The following SCN8A variants were observed in gnomAD, a reference collection of about 807,000 sequenced individuals.
SCN8A encodes sodium voltage-gated channel alpha subunit 8.
Under a neutral mutation model 184.1 loss-of-function variants are expected in SCN8A, and 30 were observed. That is an observed-to-expected ratio of 0.16 (90% CI 0.12 to 0.22). The LOEUF is 0.22. Ranked by LOEUF, SCN8A falls within the 10% of genes least tolerant of loss-of-function variation. The pLI, the probability that SCN8A is intolerant of heterozygous loss-of-function variation, is 1.00. For synonymous variants in SCN8A, 852 were observed against 907.0 expected, an observed-to-expected ratio of 0.94 and a Z score of 1.09; for missense variants, 1,057 against 2,498.9, an observed-to-expected ratio of 0.42 and a Z score of 12.30.
intron 12 of SCN8A, among the ~76,000 whole-genome samples, chr12:51,739,857 G>T (rs1469506612): frequency 1.3e-5 from 2 of 152,194 alleles, no homozygotes; most frequent in Non-Finnish European, 2.9e-5. Flanking sequence ...TGGGAAATCA[G>T]GGGTCTCACA....
rs779102206 is a variant in SCN8A, at chr12:51,686,470, T to G, written c.485+13T>G. ...CGAAGAATGTGGAGTAAGTAACTCA[T>G]TTATGTGTGTGCTTGTTTGTTTTAA... On this transcript the variant is annotated intron_variant, in intron 4 of 26. Transcript: ENST00000627620. 11 of 1,505,370 alleles carry G rather than the reference T, an allele frequency of 7.3e-6. No homozygotes were observed. The South Asian group carries it at 1.0e-4, about 14-fold the overall frequency. The allele number at this position is 1,505,370 out of a possible 1,614,324, so 93.3% of individuals were successfully genotyped here.
chr12:51,645,240 C>G (rs1940550992), intron 1 of SCN8A, among the ~76,000 whole-genome samples: 1 of 149,150 alleles, frequency 6.7e-6, no homozygotes, highest in African/African-American at 2.5e-5. Context: ...GCCGCCCCAT[C>G]CGGGAAGTGA....
chr12:51,674,756 C>T (rs1190305252), intron 2 of SCN8A, among the ~76,000 whole-genome samples: 2 of 152,190 alleles, frequency 1.3e-5, no homozygotes, highest in African/African-American at 2.4e-5. Context: ...TGTTCTGTAC[C>T]AGCCACTGTG....
rs138590118 is a variant in SCN8A at position 51,620,880 on chromosome 12, G to A, written c.-55+29521G>A. Among the ~76,000 whole-genome samples the A allele has an allele frequency of 9.9e-5, 15 of 151,940 alleles. No individual in the cohort carries two copies. In the East Asian group the frequency reaches 2.7e-3, roughly 27 times the overall value. ...CACACGCCTGTGGTCCCAGCTACTC[G>A]GGAGGCTGAGGCGGGAGGATGGATT... On this transcript the variant is annotated intron_variant, in intron 1 of 26. Transcript: ENST00000627620.
intron 12 of SCN8A, among the ~76,000 whole-genome samples, chr12:51,726,734 C>G (rs1339204830): frequency 6.6e-6 from 1 of 152,112 alleles, no homozygotes; most frequent in Non-Finnish European, 1.5e-5. Context: ...TCTTGCTGTT[C>G]AGAAAGCCAA....
At chr12:51,805,301 G>A (rs1253629561) in intron 26 of SCN8A, among the ~76,000 whole-genome samples, 1 of 152,062 alleles carries the variant, frequency 6.6e-6, no homozygotes, top group Non-Finnish European at 1.5e-5. Flanking sequence ...AATACAGCCT[G>A]GATGTGGCAG....
intron 1 of SCN8A, among the ~76,000 whole-genome samples, chr12:51,604,356 T>C (rs539998967): frequency 3.5e-4 from 54 of 152,326 alleles, no homozygotes; most frequent in African/African-American, 1.3e-3. Flanking sequence ...TGGACTTTTG[T>C]CAAAAGTCAA....
chr12:51,787,102 G>A (rs1204847371), intron 22 of SCN8A, among the ~76,000 whole-genome samples: 1 of 152,178 alleles, frequency 6.6e-6, no homozygotes, highest in Admixed American at 6.5e-5. Context: ...GTAATAAAGT[G>A]GCAGAGAGAT....
Position 51,806,482 on chromosome 12 carries a change from T to G in SCN8A, c.4996T>G (p.Ser1666Ala). Residue 1666 changes from serine (S) to alanine (A), a missense_variant, in exon 27 of 27, where the codon TCC becomes GCC. Physicochemically the swap from Ser to Ala is moderately conservative, Grantham distance 99. Transcript: ENST00000627620. The surrounding 1 kb of genome is among the most constrained non-coding windows in gnomAD (Gnocchi z 8.7). The stretch of plus-strand genomic sequence containing the variant: ...GCTCTTCCTGGTCATGTTCATCTTC[T>G]CCATTTTTGGGATGTCCAATTTTGC... The part of the protein sequence containing the change: ...LLLFLVMFIF[S>A]IFGMSNFAYV... 1 of 1,614,240 alleles carries G rather than the reference T, an allele frequency of 6.2e-7. No individual in the cohort carries two copies. Among genetic ancestry groups the G allele is most frequent in the Non-Finnish European group, 8.5e-7 (1 of 1,180,046 alleles).
At chr12:51,608,207 A>G (rs1939640814) in intron 1 of SCN8A, among the ~76,000 whole-genome samples, 1 of 151,748 alleles carries the variant, frequency 6.6e-6, no homozygotes, top group African/African-American at 2.4e-5. Context: ...TATTTTTAGT[A>G]GAGACGGGGT....
intron 1 of SCN8A, among the ~76,000 whole-genome samples, chr12:51,618,892 T>A (rs1939902406): frequency 6.6e-6 from 1 of 152,166 alleles, no homozygotes; most frequent in Admixed American, 6.5e-5. Context: ...TTTTTAATTT[T>A]TAAATTTAAG....
chr12:51,618,100 A>G (rs988191740), intron 1 of SCN8A, among the ~76,000 whole-genome samples: 5 of 151,960 alleles, frequency 3.3e-5, no homozygotes, highest in East Asian at 1.9e-4. Context: ...TAGTTTCTCT[A>G]TTCTGCCTTT....
chr12:51,792,903 C>T lies in SCN8A; in HGVS notation c.4525-1468C>T, dbSNP rs547749128. ...GACCACAGGCGCCTGCCACCATGCC[C>T]GGCTAATTTTTGTATTTTTAGTAGA... On this transcript the variant is annotated intron_variant, in intron 25 of 26. Coordinates refer to ENST00000627620, the MANE Select transcript of SCN8A (RefSeq NM_001330260.2). Among the ~76,000 whole-genome samples the T allele has an allele frequency of 6.6e-5, 10 of 152,020 alleles. No individual in the cohort carries two copies. In the East Asian group the frequency reaches 1.2e-3, roughly 18 times the overall value.
intron 11 of SCN8A, among the ~76,000 whole-genome samples, chr12:51,715,671 A>G (rs954021940): frequency 6.6e-6 from 1 of 150,754 alleles, no homozygotes; most frequent in African/African-American, 2.4e-5. Context: ...AAAAAAAAAA[A>G]AAAAAAAAAA....
At chr12:51,788,451 C>T (rs534531357) in intron 22 of SCN8A, 12 of 295,162 alleles carry the variant, frequency 4.1e-5, no homozygotes, top group Admixed American at 3.5e-4. Flanking sequence ...TGAGTCCTTT[C>T]GTAAAGCCTT....
At chr12:51,771,753 A>G (rs1185129815) in intron 19 of SCN8A, among the ~76,000 whole-genome samples, 1 of 152,248 alleles carries the variant, frequency 6.6e-6, no homozygotes, top group Admixed American at 6.5e-5. Flanking sequence ...ATCAACGAGC[A>G]TTCACACAAC....
chr12:51,782,602 T>A (rs1937956005), intron 21 of SCN8A, among the ~76,000 whole-genome samples: 1 of 152,062 alleles, frequency 6.6e-6, no homozygotes, highest in African/African-American at 2.4e-5. Flanking sequence ...AATCCCCCCA[T>A]CCCCCTACAA....
At position 51,769,261 on chromosome 12, in the gene SCN8A, G is replaced by A. The variant is rs754870866; in HGVS notation, c.3298G>A (p.Val1100Met). 7 of 1,612,352 alleles carry A rather than the reference G, an allele frequency of 4.3e-6. No homozygotes were observed. Among genetic ancestry groups the A allele is most frequent in the African/African-American group, 4.0e-5 (3 of 74,998 alleles). ...CTTGACTGTACGGGTACCCATTGCT[G>A]TGGGCGAGTCTGACTTTGAGAACCT... ...PNLTVRVPIA[V>M]GESDFENLNT... The change falls in exon 17 of 27, where the codon GTG (valine) becomes ATG (methionine). Residue 1100 changes from valine to methionine, a missense_variant. Physicochemically the swap from Val to Met is conservative, Grantham distance 21. Transcript: ENST00000627620.
At chr12:51,682,973 C>A (rs1941361528) in intron 2 of SCN8A, among the ~76,000 whole-genome samples, 1 of 152,120 alleles carries the variant, frequency 6.6e-6, no homozygotes, top group Non-Finnish European at 1.5e-5. Context: ...CTAAATCTGC[C>A]CAATTAATTT....
Sources: allele counts gnomAD v4.1 joint callset (sites outside exome capture counted in the v4.1 genomes callset), GRCh38; gene constraint gnomAD v4.1.1; non-coding constraint Gnocchi (gnomAD v3.1); transcripts MANE v1.5; gene names NCBI Gene and HGNC (gene_info 2026-07-23, HGNC 2026-07-21).